Variants in PRAMEF5 observed in about 807,000 individuals in gnomAD.
PRAMEF5 encodes PRAME family member 23.
In PRAMEF5, 5 loss-of-function variants were observed where a neutral mutation model predicts 16.4. The observed-to-expected ratio is 0.30, with a 90% CI of 0.16 to 0.64. The LOEUF is 0.64. Ranked by LOEUF, PRAMEF5 falls within the 30% of genes least tolerant of loss-of-function variation. The probability of loss-of-function intolerance (pLI) is 0.80; values close to 1 mark genes in which losing one functional copy is unlikely to be tolerated. For missense variants in PRAMEF5, 36 were observed against 282.9 expected (o/e 0.13, Z 6.26); for synonymous variants, 19 against 107.3 (o/e 0.18, Z 5.09).
At chr1:13,260,542 A>G in exon 3 of PRAMEF5, 2 of 944,270 alleles carry the variant, frequency 2.1e-6, no homozygotes, top group Non-Finnish European at 3.1e-6. Flanking sequence ...AAAATGGTGA[A>G]CCTAGACTGT....
rs901970197 is a variant in PRAMEF5, at chr1:13,262,509, C to T, written c.870-41C>T. The T allele has an allele frequency of 1.9e-5, 5 of 259,566 alleles. 2 individuals carry two copies. The African/African-American group carries it at 3.2e-4, about 16-fold the overall frequency. The allele number at this position is 259,566 out of a possible 1,614,324, so 16.1% of individuals were successfully genotyped here. A position where few individuals can be genotyped will look rare whatever the true frequency, so the allele number is the denominator to read the frequency against. On this transcript the variant is annotated intron_variant, in intron 3 of 3. Transcript: ENST00000622421. ...ATTCCCCACCACCCTCCACTCACCC[C>T]TATGATTCCCCAGAATTAACTTCTT...
chr1:13,260,036 G>C lies in PRAMEF5; in HGVS notation c.288-186G>C, dbSNP rs1435997583. 5.9e-6 allele frequency: 5 copies of C among 846,248 alleles called. No homozygotes were observed. The Admixed American group carries it at 8.2e-5, about 14-fold the overall frequency. 52.4% of individuals were successfully genotyped at this position (846,248 alleles called of 1,614,324 possible). On this transcript the variant is annotated intron_variant, in intron 2 of 3. Transcript: ENST00000622421. Reference sequence around the variant, plus strand: ...TGCACTCCAGCCTGGGCGACAGAGGGAGACGTGGTCTCAAAAGAAAAACAA... The same window carrying C: ...TGCACTCCAGCCTGGGCGACAGAGGCAGACGTGGTCTCAAAAGAAAAACAA...
intron 2 of PRAMEF5, chr1:13,260,011 T>C (rs1449728146): frequency 1.4e-6 from 1 of 705,654 alleles, no homozygotes; most frequent in South Asian, 1.9e-5. Flanking sequence ...ATCACACCAC[T>C]GCACTCCAGC....
intron 1 of PRAMEF5, chr1:13,256,298 C>T (rs1278546760): frequency 1.4e-5 from 2 of 141,570 alleles, no homozygotes; most frequent in Non-Finnish European, 3.2e-5. Flanking sequence ...TGTGCAGGGG[C>T]GTGGGTGGGA....
At chr1:13,262,014 A>T (rs1371972479) in intron 3 of PRAMEF5, 6 of 127,916 alleles carry the variant, frequency 4.7e-5, no homozygotes, top group Admixed American at 4.4e-4. Context: ...AACTTGATCC[A>T]TTCCTATAAA....
intron 3 of PRAMEF5, 43 bp downstream of exon 3, chr1:13,260,846 C>T: frequency 7.2e-6 from 2 of 276,714 alleles, no homozygotes; most frequent in South Asian, 2.8e-5. Context: ...CACAGCAGAG[C>T]CTGTTACAGT....
chr1:13,263,015 A>C (rs1210835220), exon 4 of PRAMEF5: 1 of 1,087,920 alleles, frequency 9.2e-7, no homozygotes, highest in African/African-American at 1.8e-5. Context: ...TGAGGGACTT[A>C]AGGCACCCCA....
rs1553173684 is a variant in PRAMEF5 at position 13,260,018 on chromosome 1, C to T, written c.288-204C>T. The T allele has an allele frequency of 5.6e-3, 4,115 of 736,382 alleles. 33 individuals carry two copies. Among genetic ancestry groups the T allele is most frequent in the South Asian group, 0.014 (705 of 52,034 alleles). 45.6% of individuals were successfully genotyped at this position (736,382 alleles called of 1,614,324 possible). A position where few individuals can be genotyped will look rare whatever the true frequency, so the allele number is the denominator to read the frequency against. On this transcript the variant is annotated intron_variant, in intron 2 of 3. Coordinates refer to ENST00000622421, the Ensembl canonical transcript of PRAMEF5. The stretch of plus-strand genomic sequence containing the variant: ...GAGGTGACATCACACCACTGCACTC[C>T]AGCCTGGGCGACAGAGGGAGACGTG...
downstream of PRAMEF5, chr1:13,263,359 A>T: frequency 3.2e-6 from 2 of 628,018 alleles, 1 homozygote; most frequent in South Asian, 4.0e-5. Flanking sequence ...TCTAGAGTGG[A>T]GGCTTGAGAA....
rs587716244 is a variant in PRAMEF5, at chr1:13,260,413, TG to T, written c.481del (p.Asp161MetfsTer25). ...GAACTTTGGCTCAAGAACAGGACTC[TG>T]GATGAATACCTCACCTGCCTCCTTC... On this transcript the variant is annotated frameshift_variant, in exon 3 of 4. Coordinates refer to ENST00000622421, the Ensembl canonical transcript of PRAMEF5. LOFTEE classifies it high-confidence loss of function. 8.1e-4 allele frequency: 1,144 copies of T among 1,410,520 alleles called. 13 individuals are homozygous for T. The African/African-American group carries it at 0.014, about 17-fold the overall frequency. The allele number at this position is 1,410,520 out of a possible 1,614,324, so 87.4% of individuals were successfully genotyped here. A position where few individuals can be genotyped will look rare whatever the true frequency, so the allele number is the denominator to read the frequency against.
chr1:13,263,358 G>C (rs1410380141), downstream of PRAMEF5: 1 of 627,886 alleles, frequency 1.6e-6, no homozygotes, highest in Non-Finnish European at 2.8e-6. Flanking sequence ...GTCTAGAGTG[G>C]AGGCTTGAGA....
chr1:13,262,476 T>A, intron 3 of PRAMEF5, 74 bp from the exon 4 acceptor site: 2 of 269,518 alleles, frequency 7.4e-6, no homozygotes, highest in Non-Finnish European at 1.3e-5. Context: ...ATCCATTACC[T>A]TGAAGCCATT....
intron 1 of PRAMEF5, chr1:13,255,810 T>C (rs1215234045): frequency 8.3e-6 from 1 of 120,144 alleles, no homozygotes; most frequent in African/African-American, 2.8e-5. Context: ...TTTTTTTGAA[T>C]CTAGCCTATT....
chr1:13,259,988 G>T, intron 2 of PRAMEF5: 5 of 561,060 alleles, frequency 8.9e-6, no homozygotes, highest in South Asian at 6.4e-5. Flanking sequence ...AGCAGAGGTT[G>T]CAGTGAGGTG....
At chr1:13,260,055 A>T (rs1639370374) in intron 2 of PRAMEF5, 167 bp from the exon 3 acceptor site, 2 of 1,045,280 alleles carry the variant, frequency 1.9e-6, no homozygotes. Flanking sequence ...TCTCAAAAGA[A>T]AAACAAAAAA....
intron 1 of PRAMEF5, chr1:13,256,537 CTTT>C (rs1324425210): frequency 1.6e-3 from 103 of 64,872 alleles, no homozygotes; most frequent in African/African-American, 4.1e-3. Context: ...ATATCCTGTC[CTTT>C]TTTTTTTTCA....
rs587707463 is a variant in PRAMEF5, at chr1:13,260,153, T to C, written c.288-69T>C. On this transcript the variant is annotated intron_variant, in intron 2 of 3. Transcript: ENST00000622421. Reference sequence around the variant, plus strand: ...GAAGCAGGGAGGGGAGGAGCTGCTCTCCAGGATGTGGAGTTTAAGTTCAGA... The same window carrying C: ...GAAGCAGGGAGGGGAGGAGCTGCTCCCCAGGATGTGGAGTTTAAGTTCAGA... 7.4e-4 allele frequency: 1,149 copies of C among 1,552,420 alleles called. 7 individuals are homozygous for C. The African/African-American group carries it at 0.014, about 19-fold the overall frequency.
At position 13,262,210 on chromosome 1, in the gene PRAMEF5, C is replaced by T. The variant is rs1160732040; in HGVS notation, c.870-340C>T. 8 of 72,770 alleles carry T rather than the reference C, an allele frequency of 1.1e-4. 1 individual carries two copies. Among genetic ancestry groups the T allele is most frequent in the African/African-American group, 3.2e-4 (6 of 18,920 alleles). 4.5% of individuals were successfully genotyped at this position (72,770 alleles called of 1,614,324 possible). A position where few individuals can be genotyped will look rare whatever the true frequency, so the allele number is the denominator to read the frequency against. ...CCAAGTAGCTGGAATTGCAGGCTCC[C>T]GCCACCACACCTGGCTAATTTTTGG... On this transcript the variant is annotated intron_variant, in intron 3 of 3. Transcript: ENST00000622421.
chr1:13,260,048 C>CAAAA (rs1639370148), intron 2 of PRAMEF5, 174 bp from the exon 3 acceptor site: 1 of 952,238 alleles, frequency 1.1e-6, no homozygotes, highest in African/African-American at 1.6e-5. Flanking sequence ...GACGTGGTCT[C>CAAAA]AAAAGAAAAA....
Sources: gnomAD v4.1 joint callset for allele counts on GRCh38, gnomAD v4.1.1 for gene constraint, MANE v1.5 for transcripts, NCBI Gene and HGNC (gene_info 2026-07-23, HGNC 2026-07-21) for gene names.